FAM227B: variants seen among roughly 807,000 people sequenced by gnomAD.
FAM227B encodes the protein protein FAM227B.
FAM227B carries 88 observed loss-of-function variants against 73.8 expected under a neutral mutation model. The observed-to-expected ratio is 1.19, with a 90% CI of 1.00 to 1.42. The LOEUF (loss-of-function observed/expected upper bound fraction) is 1.42. Ranked by LOEUF, FAM227B falls within the 40% of genes most tolerant of loss-of-function variation. The probability of loss-of-function intolerance (pLI) is 0.00; values close to 1 mark genes in which losing one functional copy is unlikely to be tolerated. For synonymous variants in FAM227B, 210 were observed against 190.5 expected, an observed-to-expected ratio of 1.10 and a Z score of -0.84; for missense variants, 632 against 590.9, an observed-to-expected ratio of 1.07 and a Z score of -0.72.
intron 1 of FAM227B, among the ~76,000 whole-genome samples, chr15:49,618,053 G>A (rs1359594534): frequency 6.6e-6 from 1 of 151,890 alleles, no homozygotes; most frequent in African/African-American, 2.4e-5. Flanking sequence ...CTTTGATTAT[G>A]TCCAGCCACC....
rs1276249679 is a variant in FAM227B at position 49,490,248 on chromosome 15, C to T, written c.1012+17963G>A. On this transcript the variant is annotated intron_variant, in intron 11 of 15. Transcript: ENST00000299338. ...AACTGGGGCTCACAGGAAATGTAGA[C>T]ACTAGAAAGAGAGTTACAATTGTTT... 5.3e-5 allele frequency among the ~76,000 whole-genome samples: 8 copies of T among 151,862 alleles called. No individual in the cohort carries two copies. In the South Asian group the frequency reaches 1.2e-3, roughly 24 times the overall value.
Position 49,549,904 on chromosome 15 carries a change from G to GC in FAM227B, c.748-8099dup, listed in dbSNP as rs1267772507. ...CTTCCCAGACGGGGTGGTTGGCCGG[G>GC]CGGGGGGCTGACCCCCCCCACCTCC... On this transcript the variant is annotated intron_variant, in intron 9 of 15. Coordinates refer to ENST00000299338, the MANE Select transcript of FAM227B (RefSeq NM_152647.3). Among the ~76,000 whole-genome samples the GC allele has an allele frequency of 7.0e-5, 8 of 114,952 alleles. No homozygotes were observed. In the Admixed American group the frequency reaches 7.5e-4, roughly 11 times the overall value. 75.4% of individuals were successfully genotyped at this position (114,952 alleles called of 152,430 possible).
chr15:49,523,642 A>G (rs1156858943), intron 10 of FAM227B, among the ~76,000 whole-genome samples: 2 of 150,930 alleles, frequency 1.3e-5, no homozygotes, highest in East Asian at 3.9e-4. Flanking sequence ...ACTGGGTAAC[A>G]GGCAGAGGTT....
At position 49,441,838 on chromosome 15, in the gene FAM227B, A is replaced by ATT. The variant is rs1423797532; in HGVS notation, c.1012+66371_1012+66372dup. Among the ~76,000 whole-genome samples, 3 of 151,618 alleles carry ATT rather than the reference A, an allele frequency of 2.0e-5. No homozygotes were observed. In the East Asian group the frequency reaches 5.8e-4, roughly 30 times the overall value. ...TGAATTCCTATCAGTCACATGACTA[A>ATT]TTGCATACAGTGTTTCTCAGTGGTC... On this transcript the variant is annotated intron_variant, in intron 11 of 15. Transcript: ENST00000299338.
chr15:49,464,829 C>A (rs1057312328), intron 11 of FAM227B, among the ~76,000 whole-genome samples: 1 of 151,954 alleles, frequency 6.6e-6, no homozygotes, highest in Admixed American at 6.6e-5. Context: ...CCTTGCTTAG[C>A]GTTAATAAAA....
intron 5 of FAM227B, 29 bp from the exon 6 acceptor site, chr15:49,577,693 A>G: frequency 7.0e-7 from 1 of 1,425,296 alleles, no homozygotes; most frequent in Non-Finnish European, 9.7e-7. Flanking sequence ...AAACTCTTTA[A>G]AACTCTAAAT....
intron 8 of FAM227B, among the ~76,000 whole-genome samples, chr15:49,568,961 A>C (rs1207016211): frequency 6.6e-6 from 1 of 151,914 alleles, no homozygotes; most frequent in Non-Finnish European, 1.5e-5. Context: ...ACTGGTGTTT[A>C]TTCTTCTTTA....
Position 49,508,351 on chromosome 15 carries a change from G to A in FAM227B, c.875-3C>T. On this transcript the variant is annotated splice_polypyrimidine_tract_variant and splice_region_variant and intron_variant, in intron 10 of 15. Transcript: ENST00000299338. ...AAAGCCTTTTTGAGGTTTTAAACCT[G>A]TTAATATAAAATACATATTTAGCCA... 6.4e-7 allele frequency: 1 copy of A among 1,567,988 alleles called. No homozygotes were observed. Among genetic ancestry groups the A allele is most frequent in the East Asian group, 2.3e-5 (1 of 43,764 alleles).
intron 10 of FAM227B, among the ~76,000 whole-genome samples, chr15:49,522,914 C>A (rs962538875): frequency 6.6e-6 from 1 of 152,058 alleles, no homozygotes; most frequent in Non-Finnish European, 1.5e-5. Context: ...ATGAACACAT[C>A]CAAATACAAG....
intron 10 of FAM227B, among the ~76,000 whole-genome samples, chr15:49,519,328 C>T (rs890315195): frequency 7.2e-5 from 11 of 152,112 alleles, no homozygotes; most frequent in African/African-American, 2.7e-4. Context: ...AGGACAGTGG[C>T]CCTCTTCTCA....
chr15:49,484,218 A>G (rs1262557156), intron 11 of FAM227B: 11 of 881,210 alleles, frequency 1.2e-5, no homozygotes, highest in South Asian at 6.7e-5. Context: ...GTATGTTTCA[A>G]TTCTACCAAA....
At chr15:49,565,006 T>C (rs2074533990) in intron 9 of FAM227B, among the ~76,000 whole-genome samples, 1 of 152,116 alleles carries the variant, frequency 6.6e-6, no homozygotes, top group Non-Finnish European at 1.5e-5. Flanking sequence ...ATATGAGCCA[T>C]AGCAATAAAA....
intron 13 of FAM227B, among the ~76,000 whole-genome samples, chr15:49,350,438 T>C (rs751474908): frequency 2.0e-5 from 3 of 152,196 alleles, no homozygotes; most frequent in Non-Finnish European, 2.9e-5. Context: ...TTTTGGGTAA[T>C]GTAAAAGTAT....
chr15:49,443,324 T>C (rs1159001337), intron 11 of FAM227B, among the ~76,000 whole-genome samples: 3 of 151,620 alleles, frequency 2.0e-5, no homozygotes, highest in Non-Finnish European at 4.4e-5. Context: ...TGTATTTATA[T>C]GATGGAAATA....
chr15:49,367,799 C>G (rs1002862072), intron 12 of FAM227B, 191 bp from the exon 13 acceptor site: 2 of 347,908 alleles, frequency 5.7e-6, no homozygotes, highest in Non-Finnish European at 1.0e-5. Context: ...CAGTAAGGCT[C>G]TTCTACTCTT....
intron 11 of FAM227B, among the ~76,000 whole-genome samples, chr15:49,455,263 G>A (rs2038803212): frequency 6.6e-6 from 1 of 152,100 alleles, no homozygotes. Flanking sequence ...TTAACAAAGC[G>A]GCCATGGTAT....
chr15:49,466,544 C>T (rs1188883681), intron 11 of FAM227B, among the ~76,000 whole-genome samples: 1 of 152,106 alleles, frequency 6.6e-6, no homozygotes, highest in African/African-American at 2.4e-5. Context: ...GAGTATACCA[C>T]TGAAACTTTT....
chr15:49,367,389 A>T (rs1442764554), intron 13 of FAM227B, 59 bp downstream of exon 13: 1 of 1,380,156 alleles, frequency 7.2e-7, no homozygotes, highest in Non-Finnish European at 9.7e-7. Flanking sequence ...ATTCAGTGAA[A>T]TGTTTTGAAT....
chr15:49,583,201 G>GT (rs202243987), intron 5 of FAM227B, among the ~76,000 whole-genome samples: 8,245 of 142,834 alleles, frequency 0.058, 315 homozygotes, highest in East Asian at 0.13. Flanking sequence ...TCCCGTATTT[G>GT]TTTTTTTTTT....
Sources: gnomAD v4.1 joint callset for allele counts (sites outside exome capture counted in the v4.1 genomes callset) on GRCh38, gnomAD v4.1.1 for gene constraint, MANE v1.5 for transcripts, NCBI Gene and HGNC (gene_info 2026-07-23, HGNC 2026-07-21) for gene names.